The following TSPAN12 variants were observed in gnomAD, a reference collection of about 807,000 sequenced individuals.
TSPAN12 encodes tetraspanin-12.
Under a neutral mutation model 39.2 loss-of-function variants are expected in TSPAN12, and 19 were observed. That is an observed-to-expected ratio of 0.49 (90% CI 0.34 to 0.71). The LOEUF (loss-of-function observed/expected upper bound fraction) is 0.71, where lower values mean the gene tolerates loss of function less well. Among genes scored for constraint, TSPAN12 ranks in the 30% least tolerant of loss-of-function variants. The pLI is 0.01. For missense variants in TSPAN12, 314 were observed against 359.9 expected, an observed-to-expected ratio of 0.87 and a Z score of 1.03; for synonymous variants, 119 against 124.8, an observed-to-expected ratio of 0.95 and a Z score of 0.31.
At chr7:120,843,404 C>T (rs1234940317) in intron 2 of TSPAN12, among the ~76,000 whole-genome samples, 3 of 152,172 alleles carry the variant, frequency 2.0e-5, no homozygotes. Context: ...CAGGGGTGCA[C>T]TTTTCAAATA....
At chr7:120,847,405 C>A (rs766125197) in intron 2 of TSPAN12, among the ~76,000 whole-genome samples, 2 of 152,146 alleles carry the variant, frequency 1.3e-5, no homozygotes, top group Non-Finnish European at 2.9e-5. Flanking sequence ...TGAAGGTCTA[C>A]CAGATGGACA....
At chr7:120,844,697 C>T (rs1235371166) in intron 2 of TSPAN12, among the ~76,000 whole-genome samples, 1 of 152,246 alleles carries the variant, frequency 6.6e-6, no homozygotes, top group Non-Finnish European at 1.5e-5. Flanking sequence ...AGCTCTATCC[C>T]TGTGGTTCCG....
At chr7:120,805,008 T>A (rs549250008) in intron 7 of TSPAN12, among the ~76,000 whole-genome samples, 69 of 152,246 alleles carry the variant, frequency 4.5e-4, no homozygotes, top group African/African-American at 1.7e-3. Flanking sequence ...ATCTTGGAGT[T>A]AGCCTCCAGA....
At position 120,788,260 on chromosome 7, in the gene TSPAN12, C is replaced by T. The variant is rs1793446624; in HGVS notation, c.*332G>A. The T allele has an allele frequency of 3.1e-6, 1 of 325,606 alleles. No individual in the cohort carries two copies. The highest frequency in any genetic ancestry group is 5.8e-6 in the Non-Finnish European group (1 of 173,220). The allele number at this position is 325,606 out of a possible 1,614,324, so 20.2% of individuals were successfully genotyped here. A position where few individuals can be genotyped will look rare whatever the true frequency, so the allele number is the denominator to read the frequency against. The stretch of plus-strand genomic sequence containing the variant: ...ATCAACCTTTACTATGGCTCCAGTC[C>T]CACCATATGTGACTCGTTTGCATGG... On this transcript the variant is annotated 3_prime_UTR_variant, in exon 8 of 8. Transcript: ENST00000222747.
chr7:120,810,055 C>A (rs1055338530), intron 6 of TSPAN12, among the ~76,000 whole-genome samples: 2 of 152,062 alleles, frequency 1.3e-5, no homozygotes, highest in African/African-American at 4.8e-5. Flanking sequence ...GATATACTGA[C>A]TTCAAAGTCC....
Position 120,840,124 on chromosome 7 carries a change from G to A in TSPAN12, c.67-15C>T. 1 of 1,594,992 alleles carries A rather than the reference G, an allele frequency of 6.3e-7. No homozygotes were observed. Among genetic ancestry groups the A allele is most frequent in the Non-Finnish European group, 8.6e-7 (1 of 1,162,792 alleles). Reference sequence around the variant, plus strand: ...ATGGACATTAACTGGGGAGAAAAAAGTACAAACCGGTTACCAAAGATTTAC... The same window carrying A: ...ATGGACATTAACTGGGGAGAAAAAAATACAAACCGGTTACCAAAGATTTAC... On this transcript the variant is annotated splice_polypyrimidine_tract_variant and intron_variant, in intron 2 of 7. Coordinates refer to ENST00000222747, the MANE Select transcript of TSPAN12 (RefSeq NM_012338.4).
chr7:120,797,571 C>A (rs1793657873), intron 7 of TSPAN12, among the ~76,000 whole-genome samples: 1 of 152,190 alleles, frequency 6.6e-6, no homozygotes, highest in African/African-American at 2.4e-5. Flanking sequence ...GCTCATATTG[C>A]CTCCTGGGTT....
At chr7:120,822,613 A>G (rs1794208570) in intron 4 of TSPAN12, among the ~76,000 whole-genome samples, 1 of 152,144 alleles carries the variant, frequency 6.6e-6, no homozygotes, top group Non-Finnish European at 1.5e-5. Flanking sequence ...GATTCACATC[A>G]CGGAGTCCCC....
intron 6 of TSPAN12, 23 bp downstream of exon 6, chr7:120,810,440 A>G (rs984956698): frequency 4.2e-6 from 6 of 1,428,654 alleles, no homozygotes; most frequent in South Asian, 1.1e-5. Flanking sequence ...CACTCTCTCT[A>G]CCTCAGAAAT....
chr7:120,840,181 A>T (rs1794551315), intron 2 of TSPAN12, 72 bp from the exon 3 acceptor site: 2 of 1,157,688 alleles, frequency 1.7e-6, no homozygotes, highest in African/African-American at 3.0e-5. Context: ...ATAATAGGAA[A>T]ATTAAGGATT....
intron 5 of TSPAN12, among the ~76,000 whole-genome samples, chr7:120,815,316 T>C (rs1031956498): frequency 6.6e-6 from 1 of 152,174 alleles, no homozygotes; most frequent in Non-Finnish European, 1.5e-5. Flanking sequence ...ATGGTTAGGC[T>C]TTGTGTCCCC....
intron 2 of TSPAN12, among the ~76,000 whole-genome samples, chr7:120,853,471 G>GATATAT (rs375897054): frequency 0.045 from 6,173 of 137,994 alleles, 259 homozygotes; most frequent in African/African-American, 0.11. Flanking sequence ...AAGAAATGCA[G>GATATAT]ATATATATAT....
intron 2 of TSPAN12, among the ~76,000 whole-genome samples, chr7:120,855,546 A>G (rs540258575): frequency 1.3e-5 from 2 of 152,378 alleles, no homozygotes; most frequent in South Asian, 2.1e-4. Context: ...ATAAACTACA[A>G]TAAGATCAAC....
chr7:120,830,910 C>T (rs1794378071), intron 4 of TSPAN12, among the ~76,000 whole-genome samples: 1 of 151,846 alleles, frequency 6.6e-6, no homozygotes, highest in Non-Finnish European at 1.5e-5. Flanking sequence ...GGACTAATAT[C>T]CAAAACATAA....
At chr7:120,821,557 T>C (rs1448802127) in intron 4 of TSPAN12, among the ~76,000 whole-genome samples, 1 of 152,172 alleles carries the variant, frequency 6.6e-6, no homozygotes. Flanking sequence ...CCTCAGTTTC[T>C]TCATTTGTAA....
chr7:120,829,654 C>T (rs953790391), intron 4 of TSPAN12, among the ~76,000 whole-genome samples: 3 of 152,152 alleles, frequency 2.0e-5, no homozygotes, highest in East Asian at 1.9e-4. Flanking sequence ...GAAGCATTCG[C>T]TGAATTGGTG....
chr7:120,837,718 T>C (rs1794505295), intron 4 of TSPAN12, among the ~76,000 whole-genome samples: 1 of 152,226 alleles, frequency 6.6e-6, no homozygotes, highest in Admixed American at 6.5e-5. Context: ...TACTGTGAAA[T>C]TCAAAGCTTT....
chr7:120,796,201 T>TG (rs893911634), intron 7 of TSPAN12, among the ~76,000 whole-genome samples: 1 of 152,200 alleles, frequency 6.6e-6, no homozygotes, highest in African/African-American at 2.4e-5. Flanking sequence ...TTTTCTCTCT[T>TG]GGGGGCCCAT....
intron 2 of TSPAN12, among the ~76,000 whole-genome samples, chr7:120,850,048 G>C: frequency 6.6e-6 from 1 of 152,260 alleles, no homozygotes; most frequent in South Asian, 2.1e-4. Flanking sequence ...CCAGGGGAAG[G>C]GCAGAAGGAA....
Sources: allele counts gnomAD v4.1 joint callset (sites outside exome capture counted in the v4.1 genomes callset), GRCh38; gene constraint gnomAD v4.1.1; transcripts MANE v1.5; gene names NCBI Gene and HGNC (gene_info 2026-07-23, HGNC 2026-07-21).